MYO10: variants seen among roughly 807,000 people sequenced by gnomAD.
The protein encoded by MYO10 is unconventional myosin-X.
A neutral mutation model predicts 257.3 loss-of-function variants in MYO10; 133 were observed. The ratio of observed to expected loss-of-function variants is 0.52; its 90% CI spans 0.45 to 0.60. The LOEUF is 0.60. MYO10 is among the 20% of genes least tolerant of loss of function. MYO10 has a pLI of 0.00. For synonymous variants in MYO10, 1,104 were observed against 1,028.6 expected, an observed-to-expected ratio of 1.07 and a Z score of -1.40; for missense variants, 2,399 against 2,635.7, an observed-to-expected ratio of 0.91 and a Z score of 1.97.
chr5:16,927,202 A>G (rs1247855017), intron 1 of MYO10, among the ~76,000 whole-genome samples: 6 of 152,042 alleles, frequency 3.9e-5, no homozygotes, highest in African/African-American at 1.5e-4. Context: ...GGTGTGTTTT[A>G]TCAGAAACAT....
At chr5:16,820,158 C>T (rs1465804503) in intron 2 of MYO10, among the ~76,000 whole-genome samples, 5 of 152,200 alleles carry the variant, frequency 3.3e-5, no homozygotes, top group African/African-American at 9.7e-5. Flanking sequence ...ACATGTAGAC[C>T]CTTCATTTTA....
intron 9 of MYO10, among the ~76,000 whole-genome samples, chr5:16,776,293 CT>C (rs35957480): frequency 0.029 from 4,398 of 151,102 alleles, 190 homozygotes; most frequent in African/African-American, 0.1. Context: ...AAAAGTTACA[CT>C]TTTTTTTTTC....
chr5:16,664,231 A>G lies in MYO10; in HGVS notation c.*2461T>C, dbSNP rs1476837254. On this transcript the variant is annotated 3_prime_UTR_variant, in exon 41 of 41. Coordinates refer to ENST00000513610, the MANE Select transcript of MYO10 (RefSeq NM_012334.3). ...CATGTAAAGGCTCACATGTAAATCT[A>G]TGTTCTAACTATGGTGCTGCTCTAA... is the stretch of plus-strand genomic sequence containing the variant. 3 of 152,262 alleles carry G rather than the reference A, an allele frequency of 2.0e-5. No individual in the cohort carries two copies. In the East Asian group the frequency reaches 5.8e-4, roughly 29 times the overall value. 9.4% of individuals were successfully genotyped at this position (152,262 alleles called of 1,614,324 possible). A position where few individuals can be genotyped will look rare whatever the true frequency, so the allele number is the denominator to read the frequency against.
At chr5:16,815,521 T>C in intron 3 of MYO10, 1 of 680,768 alleles carries the variant, frequency 1.5e-6, no homozygotes, top group South Asian at 1.6e-5. Flanking sequence ...TTTTATCAAC[T>C]ACAAGACTTT....
rs923589889 is a variant in MYO10 at position 16,689,809 on chromosome 5, A to G, written c.3896+15T>C. On this transcript the variant is annotated intron_variant, in intron 28 of 40. Coordinates refer to ENST00000513610, the MANE Select transcript of MYO10 (RefSeq NM_012334.3). ...GCAGGATGTGGGTAACACAAAGTCAACAGCGCAGACTCACCTGGCATCTTC... is the reference window on the plus strand; with the variant it reads ...GCAGGATGTGGGTAACACAAAGTCAGCAGCGCAGACTCACCTGGCATCTTC... 1.9e-6 allele frequency: 3 copies of G among 1,593,292 alleles called. No individual in the cohort carries two copies. In the African/African-American group the frequency reaches 4.0e-5, roughly 21 times the overall value.
chr5:16,899,052 T>C (rs1287382304), intron 1 of MYO10, among the ~76,000 whole-genome samples: 3 of 148,744 alleles, frequency 2.0e-5, no homozygotes, highest in Non-Finnish European at 4.5e-5. Flanking sequence ...GGAGAATCAC[T>C]TGCGCCCGGG....
intron 2 of MYO10, among the ~76,000 whole-genome samples, chr5:16,850,199 C>G (rs1007438787): frequency 6.6e-6 from 1 of 152,240 alleles, no homozygotes; most frequent in Non-Finnish European, 1.5e-5. Context: ...ACCATCGATT[C>G]ATTCTGCTAT....
chr5:16,926,635 G>A (rs1453559307), intron 1 of MYO10, among the ~76,000 whole-genome samples: 1 of 151,892 alleles, frequency 6.6e-6, no homozygotes, highest in East Asian at 1.9e-4. Flanking sequence ...TCGGGAGGTG[G>A]AGGTTGCAGT....
intron 1 of MYO10, among the ~76,000 whole-genome samples, chr5:16,912,502 A>G (rs1745686282): frequency 6.6e-6 from 1 of 152,092 alleles, no homozygotes; most frequent in Non-Finnish European, 1.5e-5. Flanking sequence ...ACTGGTTTTG[A>G]AAAATGCATT....
chr5:16,664,395 C>T lies in MYO10; in HGVS notation c.*2297G>A, dbSNP rs574031831. ...GTAGAAAGAAGACTTCTGTCAAATT[C>T]TTTCTGAGCCTAAAATAAAAACAAA... On this transcript the variant is annotated 3_prime_UTR_variant, in exon 41 of 41. Transcript: ENST00000513610. The T allele has an allele frequency of 3.3e-5, 5 of 152,326 alleles. No homozygotes were observed. The East Asian group carries it at 5.8e-4, about 18-fold the overall frequency. 9.4% of individuals were successfully genotyped at this position (152,326 alleles called of 1,614,324 possible).
intron 1 of MYO10, among the ~76,000 whole-genome samples, chr5:16,886,425 G>C (rs1467562322): frequency 2.0e-5 from 3 of 152,112 alleles, no homozygotes; most frequent in Non-Finnish European, 2.9e-5. Context: ...TAATCCCAGG[G>C]GAAAATGTGT....
intron 11 of MYO10, 34 bp from the exon 12 acceptor site, chr5:16,764,430 C>T (rs1292471933): frequency 2.5e-6 from 4 of 1,609,846 alleles, no homozygotes; most frequent in Admixed American, 3.4e-5. Flanking sequence ...ACTCAGCTGA[C>T]CCCGGGCACC....
chr5:16,897,754 C>T (rs1048669433), intron 1 of MYO10, among the ~76,000 whole-genome samples: 2 of 152,206 alleles, frequency 1.3e-5, no homozygotes, highest in African/African-American at 4.8e-5. Context: ...GCTACAAGAT[C>T]TAGCGTGATT....
intron 21 of MYO10, among the ~76,000 whole-genome samples, chr5:16,709,793 G>GC (rs1738512210): frequency 6.6e-6 from 1 of 152,174 alleles, no homozygotes; most frequent in Non-Finnish European, 1.5e-5. Context: ...GTATTACAAA[G>GC]CAATAGCTAG....
At chr5:16,906,337 G>A (rs1428846748) in intron 1 of MYO10, among the ~76,000 whole-genome samples, 1 of 152,168 alleles carries the variant, frequency 6.6e-6, no homozygotes, top group African/African-American at 2.4e-5. Context: ...CAACACCACT[G>A]ACACTTGGGG....
intron 2 of MYO10, among the ~76,000 whole-genome samples, chr5:16,824,158 T>G (rs956800028): frequency 2.6e-5 from 4 of 152,272 alleles, no homozygotes; most frequent in East Asian, 1.9e-4. Flanking sequence ...TCTTAAAACC[T>G]AACTTTTCCA....
intron 2 of MYO10, among the ~76,000 whole-genome samples, chr5:16,873,071 A>G (rs1744494938): frequency 6.6e-6 from 1 of 152,208 alleles, no homozygotes; most frequent in African/African-American, 2.4e-5. Context: ...TTAACCCAGA[A>G]GTCCACAGTC....
chr5:16,916,070 G>T (rs184428083), intron 1 of MYO10: 1 of 456,068 alleles, frequency 2.2e-6, no homozygotes, highest in Non-Finnish European at 4.4e-6. Context: ...GAATCGCTTG[G>T]TCCCGAGTGT....
Position 16,694,418 on chromosome 5 carries a change from G to A in MYO10, c.3753C>T (p.Asn1251=), listed in dbSNP as rs757937935. ...TGCCCTTGAGCTTCTCCTCGCTGTC[G>A]TTTTCAAAGTACATCAGCTTGGACT... ...LRQSKLMYFE[N]DSEEKLKGTV... The change falls in exon 27 of 41, where the codon AAC becomes AAT. Residue 1251 remains asparagine (N), a synonymous_variant. Transcript: ENST00000513610. 6.8e-6 allele frequency: 11 copies of A among 1,614,000 alleles called. No individual in the cohort carries two copies. Among genetic ancestry groups the A allele is most frequent in the Admixed American group, 3.3e-5 (2 of 60,026 alleles).
Sources: gnomAD v4.1 joint callset for allele counts (sites outside exome capture counted in the v4.1 genomes callset) on GRCh38, gnomAD v4.1.1 for gene constraint, MANE v1.5 for transcripts, NCBI Gene and HGNC (gene_info 2026-07-23, HGNC 2026-07-21) for gene names.